PCDH9: variants seen among roughly 807,000 people sequenced by gnomAD.
PCDH9 encodes the protein protocadherin-9.
A neutral mutation model predicts 70.6 loss-of-function variants in PCDH9; 24 were observed. The observed-to-expected ratio is 0.34, with a 90% confidence interval of 0.25 to 0.48. PCDH9 has a LOEUF of 0.48. PCDH9 is among the 20% of genes least tolerant of loss of function. The pLI, the probability that PCDH9 is intolerant of heterozygous loss-of-function variation, is 0.99. For synonymous variants in PCDH9, 562 were observed against 558.5 expected (o/e 1.01, Z -0.09); for missense variants, 1,281 against 1,503.6 (o/e 0.85, Z 2.45).
intron 4 of PCDH9, among the ~76,000 whole-genome samples, chr13:66,317,503 G>T (rs997119723): frequency 6.6e-6 from 1 of 152,126 alleles, no homozygotes; most frequent in Non-Finnish European, 1.5e-5. Context: ...AATATAATTA[G>T]GTTGTTTTTT....
intron 4 of PCDH9, among the ~76,000 whole-genome samples, chr13:66,464,059 A>G (rs1958472319): frequency 6.6e-6 from 1 of 151,906 alleles, no homozygotes; most frequent in Non-Finnish European, 1.5e-5. Flanking sequence ...AAAGTGATCA[A>G]TGGCATCCTT....
intron 3 of PCDH9, among the ~76,000 whole-genome samples, chr13:66,667,758 T>C (rs757421173): frequency 1.2e-4 from 19 of 152,164 alleles, no homozygotes; most frequent in Non-Finnish European, 2.8e-4. Flanking sequence ...TCTAGTATTA[T>C]GCACAGTATT....
intron 2 of PCDH9, among the ~76,000 whole-genome samples, chr13:66,997,175 C>T (rs2084134319): frequency 6.6e-6 from 1 of 152,092 alleles, no homozygotes; most frequent in African/African-American, 2.4e-5. Flanking sequence ...AAACGAATAC[C>T]TGAGGCTGGG....
chr13:67,053,726 G>A (rs978723409), intron 2 of PCDH9, among the ~76,000 whole-genome samples: 1 of 152,118 alleles, frequency 6.6e-6, no homozygotes, highest in Non-Finnish European at 1.5e-5. Flanking sequence ...ATTTACATTA[G>A]GCATATGAAC....
intron 3 of PCDH9, among the ~76,000 whole-genome samples, chr13:66,868,693 A>G (rs1195142605): frequency 6.6e-6 from 1 of 152,170 alleles, no homozygotes; most frequent in African/African-American, 2.4e-5. Flanking sequence ...TTTGCAGTAA[A>G]GTACAATGAT....
At chr13:66,476,833 G>A (rs1298319184) in intron 4 of PCDH9, among the ~76,000 whole-genome samples, 2 of 151,994 alleles carry the variant, frequency 1.3e-5, no homozygotes, top group Non-Finnish European at 2.9e-5. Flanking sequence ...TAACATGATG[G>A]TACTAATGTT....
chr13:67,122,331 A>G (rs192536352), intron 2 of PCDH9, among the ~76,000 whole-genome samples: 322 of 152,262 alleles, frequency 2.1e-3, no homozygotes, highest in Non-Finnish European at 3.1e-3. Context: ...TAAATACCAA[A>G]TAATAAGGAA....
chr13:66,347,185 C>A (rs1216421743), intron 4 of PCDH9, among the ~76,000 whole-genome samples: 2 of 152,142 alleles, frequency 1.3e-5, no homozygotes, highest in African/African-American at 4.8e-5. Flanking sequence ...TATTAAAACT[C>A]TGGTTCAATT....
chr13:66,385,854 A>G (rs905683195), intron 4 of PCDH9, among the ~76,000 whole-genome samples: 2 of 152,166 alleles, frequency 1.3e-5, no homozygotes, highest in African/African-American at 4.8e-5. Flanking sequence ...CAGGTTGAGA[A>G]CTCTGGGGAA....
intron 4 of PCDH9, among the ~76,000 whole-genome samples, chr13:66,493,722 T>A (rs1959070466): frequency 6.6e-6 from 1 of 152,132 alleles, no homozygotes; most frequent in Admixed American, 6.6e-5. Flanking sequence ...TTTCTTACAC[T>A]GTGTTAGGCA....
At chr13:67,024,282 T>C (rs919321145) in intron 2 of PCDH9, among the ~76,000 whole-genome samples, 3 of 152,140 alleles carry the variant, frequency 2.0e-5, no homozygotes, top group Non-Finnish European at 2.9e-5. Context: ...AATTGGTGAT[T>C]ACTAAAAAGC....
chr13:66,986,522 G>C (rs796626170), intron 2 of PCDH9, among the ~76,000 whole-genome samples: 30 of 152,026 alleles, frequency 2.0e-4, no homozygotes, highest in African/African-American at 7.0e-4. Context: ...CCTTTAAACT[G>C]TGGTATTAGA....
intron 4 of PCDH9, among the ~76,000 whole-genome samples, chr13:66,618,028 G>A (rs557730429): frequency 7.2e-5 from 11 of 152,296 alleles, no homozygotes; most frequent in African/African-American, 2.6e-4. Context: ...GTTCATGTTT[G>A]TAGCAGAGAG....
At chr13:66,348,869 T>C (rs1956252243) in intron 4 of PCDH9, among the ~76,000 whole-genome samples, 1 of 152,158 alleles carries the variant, frequency 6.6e-6, no homozygotes, top group Non-Finnish European at 1.5e-5. Flanking sequence ...ACCATGTTGT[T>C]CTTCCTCTGT....
intron 2 of PCDH9, chr13:67,213,242 A>AAAAAAGAG: frequency 6.7e-6 from 1 of 148,262 alleles, no homozygotes; most frequent in Non-Finnish European, 1.5e-5. Flanking sequence ...AAAAAAAGAA[A>AAAAAAGAG]AAAAAAAGCT....
intron 4 of PCDH9, among the ~76,000 whole-genome samples, chr13:66,507,438 C>A (rs576852243): frequency 3.9e-4 from 59 of 152,098 alleles, no homozygotes; most frequent in Non-Finnish European, 7.6e-4. Context: ...TTCTTTATGC[C>A]ACCCCTCTAC....
At chr13:66,349,336 T>C (rs552218018) in intron 4 of PCDH9, among the ~76,000 whole-genome samples, 1 of 152,312 alleles carries the variant, frequency 6.6e-6, no homozygotes, top group African/African-American at 2.4e-5. Context: ...TTGTCTTCTG[T>C]CTCGGTTTCT....
At chr13:66,331,628 A>G (rs2138118702) in intron 4 of PCDH9, among the ~76,000 whole-genome samples, 1 of 152,292 alleles carries the variant, frequency 6.6e-6, no homozygotes, top group South Asian at 2.1e-4. Flanking sequence ...GAATTAGCAG[A>G]AGGTTTATTT....
chr13:66,976,735 T>C (rs1230169951), intron 2 of PCDH9, among the ~76,000 whole-genome samples: 1 of 152,150 alleles, frequency 6.6e-6, no homozygotes, highest in African/African-American at 2.4e-5. Context: ...AATTTGTCAT[T>C]TGTATGACCT....
Sources: gnomAD v4.1 joint callset for allele counts (sites outside exome capture counted in the v4.1 genomes callset) on GRCh38, gnomAD v4.1.1 for gene constraint, MANE v1.5 for transcripts, NCBI Gene and HGNC (gene_info 2026-07-23, HGNC 2026-07-21) for gene names.